Variants in CD226 observed in about 807,000 individuals in gnomAD.
CD226 encodes CD226 antigen.
In CD226, 24 loss-of-function variants were observed where a neutral mutation model predicts 34.9. That is an observed-to-expected ratio of 0.69 (90% CI 0.50 to 0.97). CD226 has a LOEUF of 0.97. Ranked by LOEUF, CD226 falls within the 50% of genes least tolerant of loss-of-function variation. The probability of loss-of-function intolerance (pLI) is 0.00; values close to 1 mark genes in which losing one functional copy is unlikely to be tolerated. For missense variants in CD226, 397 were observed against 412.7 expected, an observed-to-expected ratio of 0.96 and a Z score of 0.33; for synonymous variants, 148 against 147.4, an observed-to-expected ratio of 1.00 and a Z score of -0.03.
intron 4 of CD226, among the ~76,000 whole-genome samples, chr18:69,869,811 T>C (rs1983393732): frequency 1.4e-5 from 2 of 146,206 alleles, no homozygotes; most frequent in Admixed American, 6.8e-5. Context: ...TTTTTTTTTT[T>C]TTTTTTTGAG....
chr18:69,955,862 CAAAAAAA>C (rs10659184), intron 1 of CD226, among the ~76,000 whole-genome samples: 1 of 83,234 alleles, frequency 1.2e-5, no homozygotes, highest in African/African-American at 4.6e-5. Flanking sequence ...GACTCCATCT[CAAAAAAA>C]AAAAAAAAAA....
chr18:69,936,467 G>A (rs116143507), intron 2 of CD226, among the ~76,000 whole-genome samples: 2,004 of 152,186 alleles, frequency 0.013, 48 homozygotes, highest in African/African-American at 0.044. Flanking sequence ...GTTTTTTATC[G>A]TCTGCCTTCT....
chr18:69,887,183 C>T (rs1984607125), intron 3 of CD226, among the ~76,000 whole-genome samples: 1 of 152,122 alleles, frequency 6.6e-6, no homozygotes, highest in Non-Finnish European at 1.5e-5. Flanking sequence ...GGCATGTGTG[C>T]ATATGGTAAG....
chr18:69,954,040 C>G (rs539427368), intron 1 of CD226, among the ~76,000 whole-genome samples: 5 of 151,602 alleles, frequency 3.3e-5, no homozygotes, highest in Non-Finnish European at 7.4e-5. Context: ...TTGACTAAAT[C>G]TTAGGTGAAC....
intron 3 of CD226, among the ~76,000 whole-genome samples, chr18:69,880,730 C>A (rs553760511): frequency 6.7e-6 from 1 of 149,990 alleles, no homozygotes; most frequent in Non-Finnish European, 1.5e-5. Context: ...CGGCTCACTG[C>A]AACCTCCGCC....
At chr18:69,886,941 A>T (rs753601454) in intron 3 of CD226, among the ~76,000 whole-genome samples, 1 of 152,162 alleles carries the variant, frequency 6.6e-6, no homozygotes, top group Non-Finnish European at 1.5e-5. Flanking sequence ...AAAACATGAA[A>T]GCCTATGCCT....
rs538600301 is a variant in CD226, at chr18:69,868,971, C to T, written c.831-1560G>A. 2.6e-5 allele frequency among the ~76,000 whole-genome samples: 4 copies of T among 152,276 alleles called. No individual in the cohort carries two copies. The South Asian group carries it at 8.3e-4, about 32-fold the overall frequency. ...TTATTTATGTCTTTAAAGTTCAGTC[C>T]TCTCATCTGTATTATTAAAAAGTCA... is the stretch of plus-strand genomic sequence containing the variant. On this transcript the variant is annotated intron_variant, in intron 4 of 5. Transcript: ENST00000582621.
At chr18:69,946,692 TG>T in intron 2 of CD226, 41 bp downstream of exon 2, 1 of 1,293,092 alleles carries the variant, frequency 7.7e-7, no homozygotes. Flanking sequence ...ATGTTGTAAG[TG>T]GATAAAAAGG....
chr18:69,895,924 G>T lies in CD226; in HGVS notation c.504C>A (p.Ile168=). 6.2e-7 allele frequency: 1 copy of T among 1,614,152 alleles called. No homozygotes were observed. Among genetic ancestry groups the T allele is most frequent in the Non-Finnish European group, 8.5e-7 (1 of 1,180,034 alleles). ...TTAAGAGGTCGATCTGACGGGGCTG[G>T]ATCTTTTCCCACCTCACTGCCTGCA... ...WPVQAVRWEK[I]QPRQIDLLTY... Residue 168 remains isoleucine, a synonymous_variant, in exon 3 of 6, where the codon ATC becomes ATA. Coordinates refer to ENST00000582621, the MANE Select transcript of CD226 (RefSeq NM_001303618.2).
intron 2 of CD226, among the ~76,000 whole-genome samples, chr18:69,897,175 A>G (rs1985349122): frequency 6.6e-6 from 1 of 152,166 alleles, no homozygotes; most frequent in South Asian, 2.1e-4. Context: ...ATGCTTGAAA[A>G]TTCTTGTGTT....
chr18:69,865,889 A>AT (rs896266863), intron 5 of CD226, among the ~76,000 whole-genome samples: 22 of 152,266 alleles, frequency 1.4e-4, no homozygotes, highest in African/African-American at 5.1e-4. Flanking sequence ...GAATTGGGGA[A>AT]TTTTTTGTCT....
At chr18:69,868,510 TTTA>T (rs776105279) in intron 4 of CD226, among the ~76,000 whole-genome samples, 8 of 152,172 alleles carry the variant, frequency 5.3e-5, no homozygotes, top group East Asian at 1.9e-4. Context: ...TATTTTCTTA[TTTA>T]TTATTATTTT....
intron 2 of CD226, among the ~76,000 whole-genome samples, chr18:69,910,787 T>G (rs2055314446): frequency 6.6e-6 from 1 of 152,220 alleles, no homozygotes; most frequent in South Asian, 2.1e-4. Context: ...GTTTTTCCAC[T>G]TTTCTGTAAA....
At chr18:69,906,222 C>T (rs1274340614) in intron 2 of CD226, among the ~76,000 whole-genome samples, 1 of 152,150 alleles carries the variant, frequency 6.6e-6, no homozygotes, top group Non-Finnish European at 1.5e-5. Context: ...ACAATGTACT[C>T]TACACATACT....
intron 2 of CD226, among the ~76,000 whole-genome samples, chr18:69,935,428 C>T (rs533687769): frequency 6.6e-6 from 1 of 152,218 alleles, no homozygotes; most frequent in South Asian, 2.1e-4. Context: ...TCACAGAAGC[C>T]GAGATGGTCT....
chr18:69,900,175 C>A (rs1568180173), intron 2 of CD226, among the ~76,000 whole-genome samples: 1 of 152,176 alleles, frequency 6.6e-6, no homozygotes, highest in Non-Finnish European at 1.5e-5. Context: ...TAAACTAATG[C>A]AGGAATTGAA....
chr18:69,910,504 G>A (rs796769016), intron 2 of CD226, among the ~76,000 whole-genome samples: 39 of 152,280 alleles, frequency 2.6e-4, no homozygotes, highest in African/African-American at 9.1e-4. Flanking sequence ...GGCCTCACAG[G>A]GTTGTGAAAA....
intron 3 of CD226, among the ~76,000 whole-genome samples, chr18:69,878,684 C>T (rs561824483): frequency 7.9e-5 from 12 of 152,314 alleles, no homozygotes; most frequent in Admixed American, 7.2e-4. Context: ...GAGAGACCAC[C>T]TCACACCTTT....
intron 2 of CD226, among the ~76,000 whole-genome samples, chr18:69,943,704 C>T (rs367707487): frequency 6.6e-6 from 1 of 152,136 alleles, no homozygotes; most frequent in East Asian, 1.9e-4. Flanking sequence ...CTGGGACATA[C>T]GTGAAACTTA....
Sources: gnomAD v4.1 joint callset for allele counts (sites outside exome capture counted in the v4.1 genomes callset) on GRCh38, gnomAD v4.1.1 for gene constraint, MANE v1.5 for transcripts, NCBI Gene and HGNC (gene_info 2026-07-23, HGNC 2026-07-21) for gene names.